The following PTP4A1 variants were observed in gnomAD, a reference collection of about 807,000 sequenced individuals.
PTP4A1 encodes the protein protein tyrosine phosphatase 4A1.
In PTP4A1, 9 loss-of-function variants were observed where a neutral mutation model predicts 20.5. The ratio of observed to expected loss-of-function variants is 0.44; its 90% CI spans 0.26 to 0.77. PTP4A1 has a LOEUF of 0.77. Ranked by LOEUF, PTP4A1 falls within the 30% of genes least tolerant of loss-of-function variation. The pLI is 0.19. For missense variants in PTP4A1, 137 were observed against 218.8 expected (o/e 0.63, Z 2.36); for synonymous variants, 78 against 67.4 (o/e 1.16, Z -0.77).
At chr6:63,525,060 G>A (rs1775101042) in intron 1 of PTP4A1, among the ~76,000 whole-genome samples, 1 of 152,204 alleles carries the variant, frequency 6.6e-6, no homozygotes, top group Non-Finnish European at 1.5e-5. Context: ...GACTAGAGCA[G>A]CATTTCTGAA....
At chr6:63,533,951 C>G (rs1297246766) in intron 2 of PTP4A1, among the ~76,000 whole-genome samples, 1 of 151,870 alleles carries the variant, frequency 6.6e-6, no homozygotes, top group African/African-American at 2.4e-5. Context: ...TCAAGTGATT[C>G]TCGTGCCTCA....
chr6:63,547,187 ATTTT>A (rs543564867), intron 2 of PTP4A1, among the ~76,000 whole-genome samples: 1 of 133,980 alleles, frequency 7.5e-6, no homozygotes. Flanking sequence ...GTAGGGGGGA[ATTTT>A]TTTTTTTTTT....
At chr6:63,532,510 G>A (rs1349979709) in intron 2 of PTP4A1, among the ~76,000 whole-genome samples, 2 of 151,990 alleles carry the variant, frequency 1.3e-5, no homozygotes, top group Non-Finnish European at 2.9e-5. Flanking sequence ...TCTATACCAA[G>A]GCAGCTAGCT....
chr6:63,551,168 T>G lies in PTP4A1; in HGVS notation c.-446+675T>G, dbSNP rs576798508. ...GCAACCTCTGCTTTCCAGGTTCAAG[T>G]GATTCTCCTGCCTCAGCCTCCCAAA... On this transcript the variant is annotated intron_variant, in intron 3 of 3. Transcript: ENST00000639568. Among the ~76,000 whole-genome samples the G allele has an allele frequency of 2.0e-4, 30 of 152,172 alleles. No homozygotes were observed. In the South Asian group the frequency reaches 5.0e-3, roughly 25 times the overall value.
chr6:63,579,174 C>T, intron 4 of PTP4A1, 83 bp from the exon 5 acceptor site: 10 of 1,446,296 alleles, frequency 6.9e-6, no homozygotes, highest in Non-Finnish European at 9.5e-6. Context: ...GATAATACTT[C>T]TGAGTTGGGG....
intron 2 of PTP4A1, 75 bp downstream of exon 2, chr6:63,577,060 A>G: frequency 1.7e-6 from 2 of 1,189,692 alleles, no homozygotes; most frequent in South Asian, 2.8e-5. Flanking sequence ...CAAAATAAAA[A>G]CTACTTTGGA....
At chr6:63,567,373 T>G (rs1051685773) in intron 3 of PTP4A1, among the ~76,000 whole-genome samples, 1 of 152,244 alleles carries the variant, frequency 6.6e-6, no homozygotes, top group African/African-American at 2.4e-5. Flanking sequence ...ATGGATGCTG[T>G]GTTAGAAGGC....
rs1778140553 is a variant in PTP4A1, at chr6:63,580,231, T to C, written c.*57T>C. 18 of 1,329,252 alleles carry C rather than the reference T, an allele frequency of 1.4e-5. No homozygotes were observed. Among genetic ancestry groups the C allele is most frequent in the Middle Eastern group, 5.0e-4 (2 of 3,986 alleles). 82.3% of individuals were successfully genotyped at this position (1,329,252 alleles called of 1,614,324 possible). On this transcript the variant is annotated 3_prime_UTR_variant, in exon 6 of 6. Coordinates refer to ENST00000626021, the MANE Select transcript of PTP4A1 (RefSeq NM_003463.5). ...ACTTGAGATAGGGCCTAATTTGTTATACATATTAGCCAACATGTTGGCTTA... is the reference window on the plus strand; with the variant it reads ...ACTTGAGATAGGGCCTAATTTGTTACACATATTAGCCAACATGTTGGCTTA...
chr6:63,551,539 CA>C (rs1373933431), intron 3 of PTP4A1, among the ~76,000 whole-genome samples: 3 of 152,004 alleles, frequency 2.0e-5, no homozygotes, highest in Admixed American at 6.6e-5. Flanking sequence ...ATATTAAGTT[CA>C]TTTTTTTTAA....
In PTP4A1 at chr6:63,560,769, G is replaced by A. The variant is rs111859671; in HGVS notation, c.-446+10276G>A. Among the ~76,000 whole-genome samples the A allele has an allele frequency of 8.3e-3, 1,263 of 152,230 alleles. 14 individuals carry two copies. The highest frequency in any genetic ancestry group is 0.028 in the African/African-American group (1,181 of 41,536). ...GTTACCCTGTCAAATCGCTGTAAAA[G>A]TTTTTAAATGCTTGCTCTCAGTTTC... On this transcript the variant is annotated intron_variant, in intron 3 of 3. Coordinates refer to the PTP4A1 transcript ENST00000639568.
chr6:63,559,949 C>T (rs137964119), intron 3 of PTP4A1, among the ~76,000 whole-genome samples: 1 of 152,116 alleles, frequency 6.6e-6, no homozygotes, highest in East Asian at 1.9e-4. Context: ...TTCGTGACAA[C>T]AGCAACCCAG....
chr6:63,529,649 C>G (rs888592518), intron 2 of PTP4A1, among the ~76,000 whole-genome samples: 2 of 152,154 alleles, frequency 1.3e-5, no homozygotes, highest in Admixed American at 1.3e-4. Flanking sequence ...GAGCAGCCAA[C>G]CCTGTTTGCA....
chr6:63,557,248 G>A (rs926116962), intron 3 of PTP4A1, among the ~76,000 whole-genome samples: 1 of 152,144 alleles, frequency 6.6e-6, no homozygotes, highest in African/African-American at 2.4e-5. Context: ...TGTTGATGAG[G>A]AAGTCAGGAA....
At chr6:63,573,153 CG>C in intron 1 of PTP4A1, 2 of 156,434 alleles carry the variant, frequency 1.3e-5, no homozygotes, top group Non-Finnish European at 2.8e-5. Context: ...CGCGGCGTCC[CG>C]GGGCCTCTTT....
chr6:63,562,069 C>A (rs1365941824), intron 3 of PTP4A1, among the ~76,000 whole-genome samples: 1 of 152,038 alleles, frequency 6.6e-6, no homozygotes, highest in Non-Finnish European at 1.5e-5. Flanking sequence ...CCAGTGACAC[C>A]CATAAAGTAT....
chr6:63,568,586 G>T (rs972416202), upstream of PTP4A1, among the ~76,000 whole-genome samples: 1 of 151,728 alleles, frequency 6.6e-6, no homozygotes, highest in Non-Finnish European at 1.5e-5. Context: ...GACATGAAAT[G>T]AGCACATGCT....
At chr6:63,579,089 C>G (rs1406535252) in intron 4 of PTP4A1, 61 bp downstream of exon 4, 4 of 1,466,536 alleles carry the variant, frequency 2.7e-6, no homozygotes, top group Non-Finnish European at 3.6e-6. Context: ...AATACAGAAA[C>G]TTGAAAAATT....
At position 63,582,597 on chromosome 6, in the gene PTP4A1, G is replaced by C. The variant is rs933343677; in HGVS notation, c.*2423G>C. ...TGAATGCAGGAAACTATCTGATAGT[G>C]TTCTAAAATTTGGTTACTTGGGTTT... On this transcript the variant is annotated 3_prime_UTR_variant, in exon 6 of 6. Transcript: ENST00000626021. 6.6e-6 allele frequency: 1 copy of C among 152,410 alleles called. No individual in the cohort carries two copies. The highest frequency in any genetic ancestry group is 2.4e-5 in the African/African-American group (1 of 41,448). The allele number at this position is 152,410 out of a possible 1,614,324, so 9.4% of individuals were successfully genotyped here.
At chr6:63,544,030 A>T (rs920184412) in intron 2 of PTP4A1, among the ~76,000 whole-genome samples, 3 of 152,104 alleles carry the variant, frequency 2.0e-5, no homozygotes, top group African/African-American at 7.2e-5. Context: ...CCACATTGTA[A>T]TTCTCCGCCC....
Sources: gnomAD v4.1 joint callset for allele counts (sites outside exome capture counted in the v4.1 genomes callset) on GRCh38, gnomAD v4.1.1 for gene constraint, MANE v1.5 for transcripts, NCBI Gene and HGNC (gene_info 2026-07-23, HGNC 2026-07-21) for gene names.